Variants in USP48 observed in about 807,000 individuals in gnomAD.
The protein encoded by USP48 is ubiquitin carboxyl-terminal hydrolase 48.
Under a neutral mutation model 150.7 loss-of-function variants are expected in USP48, and 43 were observed. The observed-to-expected ratio is 0.29, with a 90% CI of 0.22 to 0.37. The LOEUF (loss-of-function observed/expected upper bound fraction) is 0.37, where lower values mean the gene tolerates loss of function less well. Ranked by LOEUF, USP48 falls within the 10% of genes least tolerant of loss-of-function variation. The probability of loss-of-function intolerance (pLI) is 1.00; values close to 1 mark genes in which losing one functional copy is unlikely to be tolerated. For synonymous variants in USP48, 396 were observed against 425.9 expected, an observed-to-expected ratio of 0.93 and a Z score of 0.86; for missense variants, 813 against 1,249.6, an observed-to-expected ratio of 0.65 and a Z score of 5.27.
At chr1:21,727,683 C>G (rs2097742819) in intron 11 of USP48, among the ~76,000 whole-genome samples, 1 of 152,102 alleles carries the variant, frequency 6.6e-6, no homozygotes, top group African/African-American at 2.4e-5. Flanking sequence ...AGGGTAATCC[C>G]AACCCTTGGA....
At chr1:21,758,576 CCT>C (rs1005968500) in intron 1 of USP48, among the ~76,000 whole-genome samples, 15 of 151,890 alleles carry the variant, frequency 9.9e-5, no homozygotes, top group Non-Finnish European at 2.1e-4. Context: ...AGCCTGAAAC[CCT>C]GTCTCTACTA....
chr1:21,688,842 C>CAAAAAAAAA (rs1185263002), intron 24 of USP48, among the ~76,000 whole-genome samples: 4 of 88,996 alleles, frequency 4.5e-5, no homozygotes, highest in Non-Finnish European at 6.5e-5. Flanking sequence ...GACTCCATCT[C>CAAAAAAAAA]AAAAAAAAAA....
chr1:21,707,589 A>G (rs1412220351), intron 15 of USP48, among the ~76,000 whole-genome samples: 1 of 152,118 alleles, frequency 6.6e-6, no homozygotes, highest in Non-Finnish European at 1.5e-5. Flanking sequence ...CTCTGGCTCT[A>G]CTTGTGGTTA....
At chr1:21,706,042 A>G (rs1204993162) in intron 18 of USP48, 84 bp downstream of exon 18, 1 of 1,443,976 alleles carries the variant, frequency 6.9e-7, no homozygotes, top group African/African-American at 1.4e-5. Flanking sequence ...AGGGTACAAC[A>G]AACAGAATCC....
At chr1:21,683,991 C>T (rs1432839665) in intron 25 of USP48, among the ~76,000 whole-genome samples, 1 of 152,064 alleles carries the variant, frequency 6.6e-6, no homozygotes, top group East Asian at 1.9e-4. Flanking sequence ...TAATAGTATC[C>T]CATTGTATGT....
chr1:21,713,594 T>A (rs2097696241), intron 15 of USP48, among the ~76,000 whole-genome samples: 1 of 152,178 alleles, frequency 6.6e-6, no homozygotes. Flanking sequence ...CTGTTTCAAG[T>A]GGTAGCACCA....
intron 14 of USP48, among the ~76,000 whole-genome samples, chr1:21,715,950 C>A (rs1055698293): frequency 1.3e-5 from 2 of 152,178 alleles, no homozygotes; most frequent in Non-Finnish European, 2.9e-5. Context: ...TGCCTAAAAC[C>A]TACCACCGAA....
intron 1 of USP48, chr1:21,768,409 G>C (rs2097868569): frequency 6.5e-6 from 1 of 152,864 alleles, no homozygotes; most frequent in African/African-American, 2.4e-5. Context: ...ATACAGAACT[G>C]GCTGCCCTCA....
chr1:21,694,597 A>AC (rs1557429143), intron 23 of USP48, among the ~76,000 whole-genome samples: 6 of 113,248 alleles, frequency 5.3e-5, no homozygotes, highest in African/African-American at 2.1e-4. Flanking sequence ...AAAAAAAAAA[A>AC]AAAAAAAAAA....
At chr1:21,767,875 T>C (rs556073885) in intron 1 of USP48, among the ~76,000 whole-genome samples, 5 of 152,276 alleles carry the variant, frequency 3.3e-5, no homozygotes, top group South Asian at 2.1e-4. Flanking sequence ...GGCATTACTG[T>C]ATCAAGGTCT....
At chr1:21,747,215 T>C in intron 7 of USP48, 66 bp from the exon 8 acceptor site, 1 of 1,139,608 alleles carries the variant, frequency 8.8e-7, no homozygotes, top group Non-Finnish European at 1.2e-6. Context: ...ATAAGCTCTA[T>C]TAGCTATTTT....
intron 14 of USP48, among the ~76,000 whole-genome samples, chr1:21,716,153 T>G (rs2097703667): frequency 6.9e-6 from 1 of 145,236 alleles, no homozygotes; most frequent in African/African-American, 2.9e-5. Context: ...CAGCATATGA[T>G]TTTTTTTCTT....
intron 3 of USP48, among the ~76,000 whole-genome samples, chr1:21,756,246 C>T (rs547762476): frequency 2.0e-5 from 3 of 151,902 alleles, no homozygotes; most frequent in Admixed American, 6.6e-5. Flanking sequence ...TTTGGAAGGC[C>T]GAGGCAGCCA....
chr1:21,680,816 CCTT>C lies in USP48; in HGVS notation c.3074_3076del (p.Glu1025del). On this transcript the variant is annotated inframe_deletion, in exon 26 of 27. Transcript: ENST00000308271. ...TGACAAATGTAACTTACCTTTAAAC[CCTT>C]CTTCTGGCATACAAACTGAAAAAAA... 1 of 1,589,378 alleles carries C rather than the reference CCTT, an allele frequency of 6.3e-7. No individual in the cohort carries two copies. The highest frequency in any genetic ancestry group is 8.5e-7 in the Non-Finnish European group (1 of 1,172,634).
intron 1 of USP48, among the ~76,000 whole-genome samples, chr1:21,778,375 G>A (rs940139516): frequency 7.9e-5 from 12 of 152,046 alleles, no homozygotes; most frequent in Admixed American, 7.9e-4. Flanking sequence ...AAAAAAGGCA[G>A]TAACAAGTAT....
At chr1:21,715,259 TG>T in intron 15 of USP48, 129 bp downstream of exon 15, 1 of 587,072 alleles carries the variant, frequency 1.7e-6, no homozygotes, top group South Asian at 2.2e-5. Flanking sequence ...CCTCTAAATA[TG>T]GGGAAATTCT....
chr1:21,740,921 A>G (rs1029477043), intron 8 of USP48, among the ~76,000 whole-genome samples: 4 of 152,244 alleles, frequency 2.6e-5, no homozygotes, highest in Non-Finnish European at 5.9e-5. Context: ...ACCTGAACAG[A>G]GAACGAATAA....
intron 8 of USP48, among the ~76,000 whole-genome samples, chr1:21,742,967 A>G (rs760542662): frequency 6.6e-6 from 1 of 152,218 alleles, no homozygotes; most frequent in Non-Finnish European, 1.5e-5. Flanking sequence ...CATGGTCAGT[A>G]ATGGATTATA....
At chr1:21,776,592 CA>C (rs59309344) in intron 1 of USP48, among the ~76,000 whole-genome samples, 10,530 of 56,940 alleles carry the variant, frequency 0.18, 137 homozygotes, top group Middle Eastern at 0.3. Flanking sequence ...TGTCTTGTCT[CA>C]AAAAAAAAAA....
Sources: allele counts gnomAD v4.1 joint callset (sites outside exome capture counted in the v4.1 genomes callset), GRCh38; gene constraint gnomAD v4.1.1; transcripts MANE v1.5; gene names NCBI Gene and HGNC (gene_info 2026-07-23, HGNC 2026-07-21).